Variants in SPTBN2 observed in about 807,000 individuals in gnomAD.
SPTBN2 encodes the protein spectrin beta, non-erythrocytic 2.
A neutral mutation model predicts 284.2 loss-of-function variants in SPTBN2; 107 were observed. The ratio of observed to expected loss-of-function variants is 0.38; its 90% CI spans 0.32 to 0.44. The LOEUF (loss-of-function observed/expected upper bound fraction) is 0.44. Ranked by LOEUF, SPTBN2 falls within the 20% of genes least tolerant of loss-of-function variation. The pLI, the probability that SPTBN2 is intolerant of heterozygous loss-of-function variation, is 1.00. For synonymous variants in SPTBN2, 1,289 were observed against 1,354.8 expected (o/e 0.95, Z 1.07); for missense variants, 2,569 against 3,287.1 (o/e 0.78, Z 5.34).
rs1478561820 is a variant in SPTBN2, at chr11:66,686,445, TG to T, written c.6897-6del. 11 of 1,613,800 alleles carry T rather than the reference TG, an allele frequency of 6.8e-6. No individual in the cohort carries two copies. The highest frequency in any genetic ancestry group is 9.3e-6 in the Non-Finnish European group (11 of 1,179,870). ...TATTCTTTTCCATCCTGTAAGCTGT[TG>T]GGAGAGAGAGGCCACAGGGCAGAGC... is the stretch of plus-strand genomic sequence containing the variant. On this transcript the variant is annotated splice_polypyrimidine_tract_variant and splice_region_variant and intron_variant, in intron 36 of 37. Coordinates refer to ENST00000533211, the MANE Select transcript of SPTBN2 (RefSeq NM_006946.4).
chr11:66,688,760 C>A lies in SPTBN2; in HGVS notation c.6124G>T (p.Gly2042Cys). 1 of 1,613,484 alleles carries A rather than the reference C, an allele frequency of 6.2e-7. No homozygotes were observed. The highest frequency in any genetic ancestry group is 8.5e-7 in the Non-Finnish European group (1 of 1,180,042). Residue 2042 changes from glycine (G) to cysteine (C), a missense_variant, in exon 31 of 38, where the codon GGT becomes TGT. Physicochemically the swap from Gly to Cys is radical, Grantham distance 159. Coordinates refer to ENST00000533211, the MANE Select transcript of SPTBN2 (RefSeq NM_006946.4). ...QEPLVRSAEL[G>C]CTVDEVESLI... ...CTCTCAACTTCGTCGACCGTGCAAC[C>A]CAGCTCAGCGCTGCGCACCAGTGGC...
intron 1 of SPTBN2, chr11:66,728,181 G>GGGCGGGCGGGGGCGC (rs955313792): frequency 2.1e-5 from 3 of 145,872 alleles, no homozygotes; most frequent in Non-Finnish European, 4.6e-5. Context: ...AGCCGCGGCC[G>GGGCGGGCGGGGGCGC]GGCGGGCGGG....
chr11:66,729,419 C>T (rs1440251779), upstream of SPTBN2, among the ~76,000 whole-genome samples: 1 of 151,994 alleles, frequency 6.6e-6, no homozygotes, highest in Non-Finnish European at 1.5e-5. Flanking sequence ...AAGATGAGGG[C>T]CCGTTTCTAT....
At position 66,691,800 on chromosome 11, in the gene SPTBN2, T is replaced by C. The variant is rs1024379019; in HGVS notation, c.5191-142A>G. The C allele has an allele frequency of 1.1e-5, 14 of 1,256,600 alleles. No individual in the cohort carries two copies. In the African/African-American group the frequency reaches 1.6e-4, roughly 15 times the overall value. 77.8% of individuals were successfully genotyped at this position (1,256,600 alleles called of 1,614,324 possible). ...GCCGGGACAGGTTTCTTCCCTGTGG[T>C]TAAGGAGTAGGTGCAGCTGCTTCCC... On this transcript the variant is annotated intron_variant, in intron 26 of 37. Coordinates refer to ENST00000533211, the MANE Select transcript of SPTBN2 (RefSeq NM_006946.4). The surrounding 1 kb of genome is among the most constrained non-coding windows in gnomAD (Gnocchi z 8.0).
At chr11:66,740,785 T>G (rs964423187) in intron 1 of SPTBN2, among the ~76,000 whole-genome samples, 1 of 152,184 alleles carries the variant, frequency 6.6e-6, no homozygotes, top group Non-Finnish European at 1.5e-5. Flanking sequence ...TCCTTTTGCA[T>G]CAGCTTGGAA....
chr11:66,714,536 G>A, intron 5 of SPTBN2, 129 bp from the exon 6 acceptor site: 1 of 825,766 alleles, frequency 1.2e-6, no homozygotes, highest in Non-Finnish European at 2.0e-6. Context: ...ATAGCCTGAG[G>A]TCCTTTCAAC....
chr11:66,690,331 G>A (rs944080431), intron 27 of SPTBN2, 48 bp from the exon 28 acceptor site: 6 of 1,516,152 alleles, frequency 4.0e-6, no homozygotes, highest in Non-Finnish European at 5.3e-6. Context: ...ACTCCAAGGA[G>A]CCGCAGCCTG....
intron 1 of SPTBN2, among the ~76,000 whole-genome samples, chr11:66,722,998 C>T (rs930138585): frequency 9.9e-5 from 15 of 151,680 alleles, no homozygotes; most frequent in Admixed American, 3.9e-4. Flanking sequence ...CTGGGGGACA[C>T]GCTCTTAATC....
At chr11:66,709,956 C>G (rs1053843867) in intron 10 of SPTBN2, among the ~76,000 whole-genome samples, 3 of 152,230 alleles carry the variant, frequency 2.0e-5, no homozygotes, top group African/African-American at 7.2e-5. Context: ...CTATCCTATG[C>G]TAGGATTGGG....
At chr11:66,690,454 T>A in intron 27 of SPTBN2, 171 bp from the exon 28 acceptor site, 1 of 896,118 alleles carries the variant, frequency 1.1e-6, no homozygotes. Flanking sequence ...CTGGCCACAC[T>A]CTGCCCTGTT....
In SPTBN2 at chr11:66,715,320, G is replaced by A; in HGVS notation, c.385C>T (p.Gln129Ter). 1 of 1,614,254 alleles carries A rather than the reference G, an allele frequency of 6.2e-7. No individual in the cohort carries two copies. Among genetic ancestry groups the A allele is most frequent in the Non-Finnish European group, 8.5e-7 (1 of 1,180,046 alleles). Residue 129 changes from glutamine (Q) to a stop codon, truncating the protein, a stop_gained, in exon 5 of 38, where the codon CAG becomes TAG. Coordinates refer to ENST00000533211, the MANE Select transcript of SPTBN2 (RefSeq NM_006946.4). LOFTEE classifies it high-confidence loss of function. The surrounding 1 kb of genome is among the most constrained non-coding windows in gnomAD (Gnocchi z 5.3). ...CCCATGTTTTCCAAGTGCACTTTCT[G>A]CTCCTTGAGGAACTGCAGTGCCTTG... ...VDKALQFLKEQKVHLENMGSH... is the reference protein window; with the variant it reads ...VDKALQFLKE
Position 66,710,568 on chromosome 11 carries a change from C to T in SPTBN2, c.1073+14G>A. ...GCACAGCTCAGGGAAGGGTGGGGCC[C>T]CAGGGACACCTACTTGGGCGGCTTC... is the stretch of plus-strand genomic sequence containing the variant. On this transcript the variant is annotated intron_variant, in intron 10 of 37. Transcript: ENST00000533211. This position sits in a 1 kb window ranked among gnomAD's most constrained non-coding sequence, Gnocchi z 4.9. The T allele has an allele frequency of 1.2e-6, 2 of 1,612,294 alleles. No individual in the cohort carries two copies. The highest frequency in any genetic ancestry group is 3.3e-5 in the Admixed American group (2 of 59,798).
rs1350362074 is a variant in SPTBN2 at position 66,707,806 on chromosome 11, G to A, written c.1363C>T (p.Leu455=). Residue 455 remains leucine (L), a synonymous_variant, in exon 13 of 38, where the codon CTG becomes TTG. Transcript: ENST00000533211. This position sits in a 1 kb window ranked among gnomAD's most constrained non-coding sequence, Gnocchi z 4.9. ...GCTGCCTCGACAGCTGCCAGCTCCA[G>A]CCCAAAGTTGTCCTGTGTCGGGGGC... ...QRLVSQDNFG[L]ELAAVEAAVR... 1.5e-5 allele frequency: 24 copies of A among 1,609,210 alleles called. No individual in the cohort carries two copies. Among genetic ancestry groups the A allele is most frequent in the Non-Finnish European group, 1.9e-5 (23 of 1,179,946 alleles).
rs138740917 is a variant in SPTBN2, at chr11:66,710,641, G to A, written c.1014C>T (p.Ser338=). The A allele has an allele frequency of 2.0e-5, 33 of 1,614,096 alleles. No homozygotes were observed. The highest frequency in any genetic ancestry group is 1.5e-4 in the African/African-American group (11 of 75,052). The change falls in exon 10 of 38, where the codon AGC becomes AGT. Residue 338 remains serine, a synonymous_variant. Coordinates refer to ENST00000533211, the MANE Select transcript of SPTBN2 (RefSeq NM_006946.4). The surrounding 1 kb of genome is among the most constrained non-coding windows in gnomAD (Gnocchi z 4.9). The stretch of plus-strand genomic sequence containing the variant: ...AGGACTGCAGCTGGTTCTGGACCCC[G>A]CTAAGGGAGTTGGCCAACTGCCGGT... The part of the protein sequence containing the change: ...LNDRQLANSL[S]GVQNQLQSFN...
rs574129507 is a variant in SPTBN2, at chr11:66,728,859, G to C, written c.-232C>G. Reference sequence around the variant, plus strand: ...CAGCCTCCGTTCCCCTTTCCTCTCCGGGCACCTCCAGTCCGTCTCCGCTAA... The same window carrying C: ...CAGCCTCCGTTCCCCTTTCCTCTCCCGGCACCTCCAGTCCGTCTCCGCTAA... On this transcript the variant is annotated 5_prime_UTR_variant, in exon 1 of 38. Transcript: ENST00000533211. The C allele has an allele frequency of 6.6e-6, 1 of 151,678 alleles. No homozygotes were observed. Among genetic ancestry groups the C allele is most frequent in the Non-Finnish European group, 1.5e-5 (1 of 67,940 alleles). 9.4% of individuals were successfully genotyped at this position (151,678 alleles called of 1,614,324 possible). A position where few individuals can be genotyped will look rare whatever the true frequency, so the allele number is the denominator to read the frequency against.
intron 1 of SPTBN2, among the ~76,000 whole-genome samples, chr11:66,735,644 C>T (rs945095509): frequency 1.3e-5 from 2 of 152,038 alleles, no homozygotes; most frequent in Admixed American, 6.6e-5. Flanking sequence ...CCTGGGAGGT[C>T]GAGGCTGCAG....
intron 28 of SPTBN2, 44 bp from the exon 29 acceptor site, chr11:66,689,987 A>T: frequency 6.2e-7 from 1 of 1,614,138 alleles, no homozygotes; most frequent in Non-Finnish European, 8.5e-7. Context: ...CCACAGCCCC[A>T]TCACAGCCCA....
In SPTBN2 at chr11:66,691,425, G is replaced by A. The variant is rs113551867; in HGVS notation, c.5424C>T (p.His1808=). ...AAAYELQRFL[H]GARQALARVQ... ...CCCGCGCCAGGGCTTGGCGTGCCCC[G>A]TGCAGGAAGCGCTGCAGCTCGTACG... is the stretch of plus-strand genomic sequence containing the variant. The change falls in exon 27 of 38, where the codon CAC becomes CAT. Residue 1808 remains histidine, a synonymous_variant. Coordinates refer to ENST00000533211, the MANE Select transcript of SPTBN2 (RefSeq NM_006946.4). The surrounding 1 kb of genome is among the most constrained non-coding windows in gnomAD (Gnocchi z 8.0). The A allele has an allele frequency of 1.8e-5, 29 of 1,612,186 alleles. No homozygotes were observed. The highest frequency in any genetic ancestry group is 6.7e-5 in the Admixed American group (4 of 59,966).
chr11:66,688,642 G>A lies in SPTBN2; in HGVS notation c.6231+11C>T. 7.4e-6 allele frequency: 12 copies of A among 1,613,728 alleles called. No homozygotes were observed. The highest frequency in any genetic ancestry group is 1.0e-5 in the Non-Finnish European group (12 of 1,179,994). On this transcript the variant is annotated intron_variant, in intron 31 of 37. Transcript: ENST00000533211. ...GGTTGGAGTGGGCATCCGGGGTCCT[G>A]TGTCCCTCACCGCAGTAAGCTTCTC...
Sources: allele counts gnomAD v4.1 joint callset (sites outside exome capture counted in the v4.1 genomes callset), GRCh38; gene constraint gnomAD v4.1.1; non-coding constraint Gnocchi (gnomAD v3.1); transcripts MANE v1.5; gene names NCBI Gene and HGNC (gene_info 2026-07-23, HGNC 2026-07-21).